PCDHGA7: variants seen among roughly 807,000 people sequenced by gnomAD.
PCDHGA7 encodes the protein protocadherin gamma-A7.
PCDHGA7 carries 44 observed loss-of-function variants against 58.3 expected under a neutral mutation model. The observed-to-expected ratio is 0.75, with a 90% CI of 0.59 to 0.97. The LOEUF (loss-of-function observed/expected upper bound fraction) is 0.97. Among genes scored for constraint, PCDHGA7 ranks in the 50% least tolerant of loss-of-function variants. The probability of loss-of-function intolerance (pLI) is 0.00; values close to 1 mark genes in which losing one functional copy is unlikely to be tolerated. For missense variants in PCDHGA7, 1,266 were observed against 1,188.7 expected, an observed-to-expected ratio of 1.06 and a Z score of -0.96; for synonymous variants, 516 against 504.2, an observed-to-expected ratio of 1.02 and a Z score of -0.31.
At position 141,486,709 on chromosome 5, in the gene PCDHGA7, C is replaced by T; in HGVS notation, c.2425-8098C>T. 6.2e-7 allele frequency: 1 copy of T among 1,614,182 alleles called. No individual in the cohort carries two copies. ...CTTCCTCTTTCATCTCTCTGAACCC[C>T]CAGACAGGAGCTGTTCATGCTACTC... On this transcript the variant is annotated intron_variant, in intron 1 of 3. Coordinates refer to ENST00000518325, the MANE Select transcript of PCDHGA7 (RefSeq NM_018920.4). This position sits in a 1 kb window ranked among gnomAD's most constrained non-coding sequence, Gnocchi z 5.0.
chr5:141,385,267 T>G lies in PCDHGA7; in HGVS notation c.2368T>G (p.Ser790Ala), dbSNP rs965746690. The change falls in exon 1 of 4, where the codon TCT (serine) becomes GCT (alanine). Residue 790 changes from serine to alanine, a missense_variant. Ser to Ala is a moderately conservative substitution (Grantham distance 99). Transcript: ENST00000518325. ...CCAGGAGAGCTGTGAGAAAAATGAT[T>G]CTTTGCTAACATCCGTAGATTTTCA... ...ISQESCEKNDSLLTSVDFQEC... is the reference protein window; with the variant it reads ...ISQESCEKNDALLTSVDFQEC... 10 of 1,614,058 alleles carry G rather than the reference T, an allele frequency of 6.2e-6. No individual in the cohort carries two copies. In the African/African-American group the frequency reaches 1.2e-4, roughly 19 times the overall value.
At chr5:141,409,096 A>T (rs968537361) in intron 1 of PCDHGA7, 8 of 1,613,956 alleles carry the variant, frequency 5.0e-6, no homozygotes, top group African/African-American at 1.3e-5. Flanking sequence ...ATGAGAAAAC[A>T]GGTATGATTA....
In PCDHGA7 at chr5:141,432,785, G is replaced by A. The variant is rs1356593437; in HGVS notation, c.2424+47462G>A. 2.5e-6 allele frequency: 4 copies of A among 1,613,992 alleles called. No individual in the cohort carries two copies. The African/African-American group carries it at 4.0e-5, about 16-fold the overall frequency. On this transcript the variant is annotated intron_variant, in intron 1 of 3. Transcript: ENST00000518325. The surrounding 1 kb of genome is among the most constrained non-coding windows in gnomAD (Gnocchi z 6.0). ...CATCCCCCAAGTCCTGGCGGACCTC[G>A]GCAGCCTCGAGTCTCCAGCTAACTC...
At chr5:141,400,769 T>C (rs2094071773) in intron 1 of PCDHGA7, 2 of 575,796 alleles carry the variant, frequency 3.5e-6, no homozygotes, top group Admixed American at 3.4e-5. Flanking sequence ...GCAAAAACAT[T>C]TGGTGCGTTT....
Position 141,491,755 on chromosome 5 carries a change from G to T in PCDHGA7, c.2425-3052G>T, listed in dbSNP as rs1402188587. 3 of 1,582,078 alleles carry T rather than the reference G, an allele frequency of 1.9e-6. No individual in the cohort carries two copies. Among genetic ancestry groups the T allele is most frequent in the Non-Finnish European group, 2.6e-6 (3 of 1,165,458 alleles). On this transcript the variant is annotated intron_variant, in intron 1 of 3. Coordinates refer to ENST00000518325, the MANE Select transcript of PCDHGA7 (RefSeq NM_018920.4). This position sits in a 1 kb window ranked among gnomAD's most constrained non-coding sequence, Gnocchi z 6.9. ...CCCTGGGGGCGGCACTGGAGAAGCC[G>T]CCCGTCCTCATAAGGGATTGAACTT...
intron 1 of PCDHGA7, among the ~76,000 whole-genome samples, chr5:141,492,474 G>T (rs2099741007): frequency 6.6e-6 from 1 of 152,218 alleles, no homozygotes; most frequent in African/African-American, 2.4e-5. Context: ...CCCAGATCGC[G>T]GCCGCCCAGG....
In PCDHGA7 at chr5:141,426,967, T is replaced by C. The variant is rs151241654; in HGVS notation, c.2424+41644T>C. 124 of 456,702 alleles carry C rather than the reference T, an allele frequency of 2.7e-4. 1 individual carries two copies. The highest frequency in any genetic ancestry group is 2.1e-3 in the African/African-American group (103 of 50,178). 28.3% of individuals were successfully genotyped at this position (456,702 alleles called of 1,614,324 possible). A position where few individuals can be genotyped will look rare whatever the true frequency, so the allele number is the denominator to read the frequency against. On this transcript the variant is annotated intron_variant, in intron 1 of 3. Coordinates refer to ENST00000518325, the MANE Select transcript of PCDHGA7 (RefSeq NM_018920.4). ...CCAACTGGCACTGCTGCAATTCAAA[T>C]TGAGGTCACTGATGCCAACGATAAT... is the stretch of plus-strand genomic sequence containing the variant.
chr5:141,394,275 A>G (rs371709954), intron 1 of PCDHGA7: 21 of 1,613,792 alleles, frequency 1.3e-5, no homozygotes, highest in Non-Finnish European at 1.6e-5. Flanking sequence ...TGCCCAGGTC[A>G]CTTACTCTGT....
At chr5:141,414,183 A>C in intron 1 of PCDHGA7, 1 of 1,609,508 alleles carries the variant, frequency 6.2e-7, no homozygotes, top group Non-Finnish European at 8.5e-7. Flanking sequence ...CAACTGCAAA[A>C]GTGTTGATTA....
rs755091154 is a variant in PCDHGA7 at position 141,402,943 on chromosome 5, C to T, written c.2424+17620C>T. The stretch of plus-strand genomic sequence containing the variant: ...AGATCCTTTTGAGAAAATTCCAAAG[C>T]GAGGCAGCAATGGCAGCTCCAACCA... On this transcript the variant is annotated intron_variant, in intron 1 of 3. Transcript: ENST00000518325. 1.1e-5 allele frequency: 17 copies of T among 1,590,762 alleles called. No individual in the cohort carries two copies. The African/African-American group carries it at 2.0e-4, about 19-fold the overall frequency.
At chr5:141,408,775 C>T (rs780901987) in intron 1 of PCDHGA7, 7 of 1,611,568 alleles carry the variant, frequency 4.3e-6, no homozygotes, top group Non-Finnish European at 5.9e-6. Context: ...GTGGCAAATA[C>T]CCAGAGTTAT....
rs566049956 is a variant in PCDHGA7 at position 141,511,685 on chromosome 5, G to A, written c.*512G>A. 1.0e-5 allele frequency: 2 copies of A among 198,374 alleles called. No individual in the cohort carries two copies. Among genetic ancestry groups the A allele is most frequent in the Non-Finnish European group, 2.1e-5 (2 of 94,428 alleles). The allele number at this position is 198,374 out of a possible 1,614,324, so 12.3% of individuals were successfully genotyped here. On this transcript the variant is annotated 3_prime_UTR_variant, in exon 4 of 4. Coordinates refer to ENST00000518325, the MANE Select transcript of PCDHGA7 (RefSeq NM_018920.4). ...GATTCTCAATCTTCCCCCAAAGCAT[G>A]GTTTGGTGCCAGCCCCTTCACCTCC...
At chr5:141,414,305 A>G (rs2095732833) in intron 1 of PCDHGA7, 2 of 1,613,604 alleles carry the variant, frequency 1.2e-6, no homozygotes, top group African/African-American at 2.7e-5. Flanking sequence ...AATGTGCATG[A>G]TTTAGACTCT....
chr5:141,487,013 C>T lies in PCDHGA7; in HGVS notation c.2425-7794C>T. ...GGTTTCCTATCAGCTCCTGGAGGCC[C>T]CAGATCCCAGCCTGTTTGCAGTCTC... On this transcript the variant is annotated intron_variant, in intron 1 of 3. Coordinates refer to ENST00000518325, the MANE Select transcript of PCDHGA7 (RefSeq NM_018920.4). The surrounding 1 kb of genome is among the most constrained non-coding windows in gnomAD (Gnocchi z 5.0). The T allele has an allele frequency of 1.2e-6, 2 of 1,614,220 alleles. No individual in the cohort carries two copies. Among genetic ancestry groups the T allele is most frequent in the Non-Finnish European group, 1.7e-6 (2 of 1,180,040 alleles).
intron 1 of PCDHGA7, among the ~76,000 whole-genome samples, chr5:141,475,215 T>C (rs768665396): frequency 2.6e-5 from 4 of 152,176 alleles, no homozygotes; most frequent in Non-Finnish European, 5.9e-5. Flanking sequence ...AAAGGATTGA[T>C]CAAGTAAAGG....
intron 1 of PCDHGA7, chr5:141,423,007 G>A: frequency 6.2e-7 from 1 of 1,614,242 alleles, no homozygotes; most frequent in Non-Finnish European, 8.5e-7. Flanking sequence ...CAAGGTGGTT[G>A]CGGTGGACAA....
intron 1 of PCDHGA7, among the ~76,000 whole-genome samples, chr5:141,444,646 G>T (rs1023259048): frequency 1.3e-5 from 2 of 152,098 alleles, no homozygotes; most frequent in Non-Finnish European, 2.9e-5. Flanking sequence ...TGAGGTAGGG[G>T]TTGAAGTTAT....
chr5:141,386,226 C>T (rs1164415292), intron 1 of PCDHGA7, among the ~76,000 whole-genome samples: 1 of 152,142 alleles, frequency 6.6e-6, no homozygotes, highest in Non-Finnish European at 1.5e-5. Flanking sequence ...ATTAGGTCTA[C>T]TGAAAAATTC....
intron 2 of PCDHGA7, 80 bp downstream of exon 2, chr5:141,494,945 C>G (rs2099757788): frequency 6.2e-7 from 1 of 1,608,958 alleles, no homozygotes; most frequent in Non-Finnish European, 8.5e-7. Flanking sequence ...GGGGGAGGGC[C>G]CAGCATTTGC....
Sources: gnomAD v4.1 joint callset for allele counts (sites outside exome capture counted in the v4.1 genomes callset) on GRCh38, gnomAD v4.1.1 for gene constraint, Gnocchi (gnomAD v3.1) non-coding constraint, MANE v1.5 for transcripts, NCBI Gene and HGNC (gene_info 2026-07-23, HGNC 2026-07-21) for gene names.